MLIP: variants seen among roughly 807,000 people sequenced by gnomAD.
The protein encoded by MLIP is muscular LMNA interacting protein, also known as muscular LMNA-interacting protein.
MLIP carries 79 observed loss-of-function variants against 84.8 expected under a neutral mutation model. That is an observed-to-expected ratio of 0.93 (90% CI 0.78 to 1.12). MLIP has a LOEUF of 1.12. Ranked by LOEUF, MLIP falls within the 50% of genes most tolerant of loss-of-function variation. MLIP has a pLI of 0.00. For synonymous variants in MLIP, 504 were observed against 463.0 expected, an observed-to-expected ratio of 1.09 and a Z score of -1.14; for missense variants, 1,257 against 1,160.6, an observed-to-expected ratio of 1.08 and a Z score of -1.21.
At chr6:54,060,860 A>T (rs1054282510) in intron 1 of MLIP, among the ~76,000 whole-genome samples, 67 of 152,092 alleles carry the variant, frequency 4.4e-4, no homozygotes, top group African/African-American at 1.5e-3. Context: ...AAGAAAGAAG[A>T]TACACAGAGT....
intron 12 of MLIP, among the ~76,000 whole-genome samples, chr6:54,250,359 G>T (rs1782386057): frequency 1.3e-5 from 2 of 151,966 alleles, no homozygotes; most frequent in Non-Finnish European, 1.5e-5. Flanking sequence ...TTATTACTGG[G>T]TATTTACCCA....
chr6:54,046,408 ACTT>A (rs1279793846), intron 1 of MLIP: 8 of 152,128 alleles, frequency 5.3e-5, no homozygotes, highest in Non-Finnish European at 7.4e-5. Flanking sequence ...TCTCTCTAAG[ACTT>A]CTTCTACTAC....
At chr6:54,071,106 T>TACATTA (rs1229115340) in intron 1 of MLIP, among the ~76,000 whole-genome samples, 2 of 152,132 alleles carry the variant, frequency 1.3e-5, no homozygotes, top group Non-Finnish European at 2.9e-5. Flanking sequence ...GATTCTCTCA[T>TACATTA]AGGTATTTGC....
intron 1 of MLIP, among the ~76,000 whole-genome samples, chr6:54,062,140 G>A (rs902852951): frequency 6.6e-5 from 10 of 152,176 alleles, no homozygotes; most frequent in Admixed American, 6.5e-4. Flanking sequence ...GTGACAGTGC[G>A]AAGAGGGATC....
At chr6:54,265,846 T>G in intron 13 of MLIP, 104 bp from the exon 14 acceptor site, 1 of 1,082,440 alleles carries the variant, frequency 9.2e-7, no homozygotes, top group South Asian at 1.4e-5. Flanking sequence ...ATAAACCATT[T>G]TTTTGTAGGA....
intron 1 of MLIP, among the ~76,000 whole-genome samples, chr6:54,033,008 A>G (rs1196155879): frequency 6.6e-6 from 1 of 152,212 alleles, no homozygotes; most frequent in East Asian, 1.9e-4. Context: ...GTTTTGATCC[A>G]GTAGTCTAAA....
At chr6:54,141,461 A>C (rs2754781) in intron 4 of MLIP, among the ~76,000 whole-genome samples, 57,339 of 151,608 alleles carry the variant, frequency 0.38, 12,902 homozygotes, top group African/African-American at 0.63. Context: ...TGTGCACCAT[A>C]ACATCCGGCT....
chr6:54,122,724 A>C (rs891123344), intron 2 of MLIP, among the ~76,000 whole-genome samples: 2 of 152,148 alleles, frequency 1.3e-5, no homozygotes, highest in African/African-American at 4.8e-5. Flanking sequence ...CATAATATTA[A>C]TGAGATCCTT....
chr6:54,218,216 C>G (rs1272363553), intron 11 of MLIP: 2 of 157,800 alleles, frequency 1.3e-5, no homozygotes, highest in African/African-American at 4.8e-5. Flanking sequence ...GCCCATTACA[C>G]CTAGGGTATG....
chr6:54,122,386 A>C (rs1770532003), intron 2 of MLIP, among the ~76,000 whole-genome samples: 1 of 152,178 alleles, frequency 6.6e-6, no homozygotes, highest in East Asian at 1.9e-4. Context: ...GGGAAGTGAA[A>C]TTACACAAAT....
chr6:54,183,128 G>T (rs761991820), intron 9 of MLIP, among the ~76,000 whole-genome samples: 2 of 151,654 alleles, frequency 1.3e-5, no homozygotes, highest in Non-Finnish European at 2.9e-5. Flanking sequence ...TCCCAATTTC[G>T]CCAGCTCACA....
intron 11 of MLIP, chr6:54,215,409 A>T (rs9464035): frequency 0.87 from 1,072,887 of 1,238,968 alleles, 466,446 homozygotes; most frequent in East Asian, 0.96. Context: ...CATACTAATA[A>T]GTATTTGTGA....
At position 54,183,743 on chromosome 6, in the gene MLIP, GT is replaced by G. The variant is rs3996970; in HGVS notation, c.2545-6107del. Among the ~76,000 whole-genome samples the G allele has an allele frequency of 9.0e-3, 1,056 of 116,704 alleles. 8 individuals are homozygous for G. Among genetic ancestry groups the G allele is most frequent in the African/African-American group, 0.03 (950 of 31,536 alleles). 76.6% of individuals were successfully genotyped at this position (116,704 alleles called of 152,430 possible). ...TTAGTGAGATATTTAGACAGGGTAAGTTTTTTTTTTTTTTTTTTTTGAGACA... is the reference window on the plus strand; with the variant it reads ...TTAGTGAGATATTTAGACAGGGTAAGTTTTTTTTTTTTTTTTTTTGAGACA... On this transcript the variant is annotated intron_variant, in intron 9 of 13. Transcript: ENST00000502396.
chr6:54,178,737 C>T (rs980268922), intron 9 of MLIP, among the ~76,000 whole-genome samples: 2 of 152,052 alleles, frequency 1.3e-5, no homozygotes, highest in African/African-American at 2.4e-5. Context: ...AGCTTAATCT[C>T]CTGGTGGTCA....
At chr6:54,141,637 G>A (rs1189537066) in intron 4 of MLIP, among the ~76,000 whole-genome samples, 2 of 151,676 alleles carry the variant, frequency 1.3e-5, no homozygotes, top group African/African-American at 4.9e-5. Context: ...TATTGTCTGA[G>A]ACTTTTTTTT....
intron 11 of MLIP, among the ~76,000 whole-genome samples, chr6:54,203,119 A>T (rs990513052): frequency 1.3e-5 from 2 of 152,210 alleles, no homozygotes; most frequent in African/African-American, 4.8e-5. Flanking sequence ...CTCCTTATAT[A>T]TGTTGAAGGA....
intron 11 of MLIP, among the ~76,000 whole-genome samples, chr6:54,222,585 G>A (rs984811557): frequency 6.6e-6 from 1 of 151,954 alleles, no homozygotes; most frequent in Non-Finnish European, 1.5e-5. Context: ...TCCATTATAT[G>A]TATTTATGTA....
intron 1 of MLIP, among the ~76,000 whole-genome samples, chr6:54,120,115 T>C (rs1770304785): frequency 6.6e-6 from 1 of 152,228 alleles, no homozygotes; most frequent in Non-Finnish European, 1.5e-5. Context: ...TCTTTGTACT[T>C]CTCATGCAAA....
At chr6:54,190,309 CAG>C (rs1777788332) in intron 10 of MLIP, among the ~76,000 whole-genome samples, 1 of 152,056 alleles carries the variant, frequency 6.6e-6, no homozygotes, top group African/African-American at 2.4e-5. Flanking sequence ...ATATGTCACA[CAG>C]GAGAATTAGC....
Sources: allele counts gnomAD v4.1 joint callset (sites outside exome capture counted in the v4.1 genomes callset), GRCh38; gene constraint gnomAD v4.1.1; transcripts MANE v1.5; gene names NCBI Gene and HGNC (gene_info 2026-07-23, HGNC 2026-07-21).